Variants in STPG2 observed in about 807,000 individuals in gnomAD.
STPG2 encodes sperm tail PG-rich repeat containing 2.
In STPG2, 56 loss-of-function variants were observed where a neutral mutation model predicts 54.2. The ratio of observed to expected loss-of-function variants is 1.03; its 90% CI spans 0.83 to 1.29. STPG2 has a LOEUF of 1.29. Ranked by LOEUF, STPG2 falls within the 50% of genes most tolerant of loss-of-function variation. STPG2 has a pLI of 0.00. For missense variants in STPG2, 596 were observed against 544.9 expected (o/e 1.09, Z -0.93); for synonymous variants, 200 against 181.8 (o/e 1.10, Z -0.81).
intron 9 of STPG2, among the ~76,000 whole-genome samples, chr4:97,830,831 A>C (rs1443902357): frequency 2.0e-5 from 3 of 152,190 alleles, no homozygotes; most frequent in Non-Finnish European, 4.4e-5. Flanking sequence ...AATTATCCTA[A>C]ATATATATGC....
chr4:97,527,708 G>A (rs1731314267), intron 4 of STPG2, among the ~76,000 whole-genome samples: 2 of 152,070 alleles, frequency 1.3e-5, no homozygotes, highest in Admixed American at 6.6e-5. Flanking sequence ...GTATGAGATG[G>A]TATTTCATTG....
At chr4:98,021,759 T>C (rs571790627) in intron 5 of STPG2, among the ~76,000 whole-genome samples, 34 of 152,050 alleles carry the variant, frequency 2.2e-4, no homozygotes, top group Admixed American at 9.8e-4. Context: ...TTGATCCCTT[T>C]ACCATTATGT....
intron 5 of STPG2, among the ~76,000 whole-genome samples, chr4:98,016,950 T>G (rs1250899733): frequency 6.6e-6 from 1 of 152,164 alleles, no homozygotes; most frequent in East Asian, 1.9e-4. Context: ...ATTCAGTTGG[T>G]AGGCAAACTG....
At chr4:97,633,542 C>G (rs1353159014) in intron 10 of STPG2, 3 of 152,502 alleles carry the variant, frequency 2.0e-5, no homozygotes, top group African/African-American at 7.2e-5. Flanking sequence ...GCCTGAGCGA[C>G]GCAGAAGACG....
At chr4:97,686,562 G>A (rs1186198869) in intron 10 of STPG2, among the ~76,000 whole-genome samples, 1 of 152,076 alleles carries the variant, frequency 6.6e-6, no homozygotes, top group Non-Finnish European at 1.5e-5. Flanking sequence ...CCTTCCAGAG[G>A]CAAACTGGGA....
intron 9 of STPG2, among the ~76,000 whole-genome samples, chr4:97,737,390 G>A (rs1348826752): frequency 2.6e-5 from 4 of 152,156 alleles, no homozygotes; most frequent in Admixed American, 2.6e-4. Flanking sequence ...AGAGAAGAAG[G>A]CTTCAGCCGA....
chr4:97,834,595 T>C (rs187582998), intron 9 of STPG2, among the ~76,000 whole-genome samples: 198 of 152,266 alleles, frequency 1.3e-3, no homozygotes, highest in Non-Finnish European at 2.2e-3. Flanking sequence ...GATTTGTCTT[T>C]ATTAAAAATG....
chr4:97,724,914 ATTCAAGTAC>A (rs1724568256), intron 9 of STPG2, among the ~76,000 whole-genome samples: 1 of 152,134 alleles, frequency 6.6e-6, no homozygotes, highest in South Asian at 2.1e-4. Context: ...GCAGGTCTTT[ATTCAAGTAC>A]TTCTTGAAAG....
At chr4:97,742,419 C>T (rs1388633740) in intron 9 of STPG2, among the ~76,000 whole-genome samples, 3 of 150,502 alleles carry the variant, frequency 2.0e-5, no homozygotes, top group Non-Finnish European at 4.4e-5. Context: ...ATCAGTACTT[C>T]TTAAAGAGAT....
intron 10 of STPG2, among the ~76,000 whole-genome samples, chr4:97,668,089 G>T (rs1419431117): frequency 2.6e-5 from 4 of 152,068 alleles, no homozygotes; most frequent in Non-Finnish European, 5.9e-5. Context: ...TTTATAGTAT[G>T]AGTCAATTCA....
At chr4:98,009,603 A>G (rs1735680304) in intron 5 of STPG2, among the ~76,000 whole-genome samples, 2 of 151,978 alleles carry the variant, frequency 1.3e-5, no homozygotes, top group Non-Finnish European at 2.9e-5. Flanking sequence ...CATTTGGCCT[A>G]AAGTACAGTT....
chr4:97,872,059 G>T (rs1227451824), intron 8 of STPG2, among the ~76,000 whole-genome samples: 1 of 151,004 alleles, frequency 6.6e-6, no homozygotes, highest in African/African-American at 2.4e-5. Flanking sequence ...TCTCATAAAT[G>T]TTAGAAAGAC....
chr4:97,590,640 C>CACAG lies in STPG2; in HGVS notation c.1321-31524_1321-31523insCTGT, dbSNP rs199802206. ...GCCTACATACACACAGACACACAGACACACACACACACACACACACACACA... is the reference window on the plus strand; with the variant it reads ...GCCTACATACACACAGACACACAGACACAGACACACACACACACACACACACACA... On this transcript the variant is annotated intron_variant, in intron 10 of 10. Coordinates refer to ENST00000295268, the MANE Select transcript of STPG2 (RefSeq NM_174952.3). Among the ~76,000 whole-genome samples, 814 of 144,842 alleles carry CACAG rather than the reference C, an allele frequency of 5.6e-3. 8 individuals carry two copies. The highest frequency in any genetic ancestry group is 0.019 in the African/African-American group (734 of 38,800).
At chr4:98,044,279 T>A (rs1394153450) in intron 5 of STPG2, among the ~76,000 whole-genome samples, 1 of 152,156 alleles carries the variant, frequency 6.6e-6, no homozygotes, top group Non-Finnish European at 1.5e-5. Flanking sequence ...CCAACAAGTT[T>A]CATACTTTCC....
At chr4:97,890,471 T>G (rs1003419395) in intron 8 of STPG2, among the ~76,000 whole-genome samples, 1 of 151,836 alleles carries the variant, frequency 6.6e-6, no homozygotes, top group African/African-American at 2.4e-5. Flanking sequence ...AAAAAATTAT[T>G]TAATTATTAT....
At chr4:97,938,505 C>A (rs1268650976) in intron 8 of STPG2, among the ~76,000 whole-genome samples, 1 of 143,992 alleles carries the variant, frequency 6.9e-6, no homozygotes, top group Non-Finnish European at 1.5e-5. Context: ...GGCCACCCAC[C>A]CCTGCAGGAA....
intron 8 of STPG2, among the ~76,000 whole-genome samples, chr4:97,866,166 A>G (rs1186219671): frequency 6.6e-6 from 1 of 151,960 alleles, no homozygotes; most frequent in African/African-American, 2.4e-5. Context: ...AATGAATAAG[A>G]TCTATAATAG....
At chr4:97,865,416 A>G (rs963248885) in intron 8 of STPG2, among the ~76,000 whole-genome samples, 4 of 152,188 alleles carry the variant, frequency 2.6e-5, no homozygotes, top group Non-Finnish European at 4.4e-5. Context: ...TAGAATGGTG[A>G]GCATTAAAAA....
chr4:98,120,184 G>A (rs943384741), intron 3 of STPG2, among the ~76,000 whole-genome samples: 25 of 152,026 alleles, frequency 1.6e-4, no homozygotes, highest in African/African-American at 4.6e-4. Context: ...AGGTTCAAGC[G>A]ATTCTTCTGC....
Sources: allele counts gnomAD v4.1 joint callset (sites outside exome capture counted in the v4.1 genomes callset), GRCh38; gene constraint gnomAD v4.1.1; transcripts MANE v1.5; gene names NCBI Gene and HGNC (gene_info 2026-07-23, HGNC 2026-07-21).